DGKI: variants seen among roughly 807,000 people sequenced by gnomAD.
DGKI encodes DAG kinase iota.
A neutral mutation model predicts 147.5 loss-of-function variants in DGKI; 55 were observed. The ratio of observed to expected loss-of-function variants is 0.37; its 90% CI spans 0.30 to 0.47. DGKI has a LOEUF of 0.47. Among genes scored for constraint, DGKI ranks in the 20% least tolerant of loss-of-function variants. The probability of loss-of-function intolerance (pLI) is 1.00; values close to 1 mark genes in which losing one functional copy is unlikely to be tolerated. For missense variants in DGKI, 1,007 were observed against 1,323.8 expected, an observed-to-expected ratio of 0.76 and a Z score of 3.71; for synonymous variants, 469 against 477.1, an observed-to-expected ratio of 0.98 and a Z score of 0.22.
intron 1 of DGKI, among the ~76,000 whole-genome samples, chr7:137,692,661 A>G (rs1458488231): frequency 6.6e-6 from 1 of 152,226 alleles, no homozygotes; most frequent in Non-Finnish European, 1.5e-5. Context: ...GATGCAAGCC[A>G]CGTGTGTCTA....
At chr7:137,519,205 T>G (rs1267126855) in intron 21 of DGKI, among the ~76,000 whole-genome samples, 1 of 152,066 alleles carries the variant, frequency 6.6e-6, no homozygotes, top group East Asian at 1.9e-4. Context: ...TCTGAAAGAG[T>G]ATAGTCCTCT....
intron 7 of DGKI, among the ~76,000 whole-genome samples, chr7:137,623,160 T>C (rs1820809046): frequency 6.6e-6 from 1 of 152,218 alleles, no homozygotes; most frequent in Non-Finnish European, 1.5e-5. Flanking sequence ...ACAGAGGTAC[T>C]GGAGGGAAAA....
At chr7:137,531,224 A>G (rs987341226) in intron 20 of DGKI, among the ~76,000 whole-genome samples, 1 of 152,200 alleles carries the variant, frequency 6.6e-6, no homozygotes, top group Admixed American at 6.5e-5. Flanking sequence ...AACTGTTGAG[A>G]TGAAGAAAAA....
At chr7:137,584,050 G>C (rs1447662909) in intron 14 of DGKI, among the ~76,000 whole-genome samples, 1 of 152,078 alleles carries the variant, frequency 6.6e-6, no homozygotes, top group Non-Finnish European at 1.5e-5. Context: ...TCAGGATCAC[G>C]ATGCTAATAA....
chr7:137,572,952 C>G, intron 17 of DGKI, 114 bp from the exon 18 acceptor site: 1 of 704,350 alleles, frequency 1.4e-6, no homozygotes. Context: ...CTTGCCCTAT[C>G]TCTGCTTAAG....
intron 1 of DGKI, among the ~76,000 whole-genome samples, chr7:137,819,602 G>A (rs1018886772): frequency 4.6e-5 from 7 of 151,976 alleles, no homozygotes; most frequent in African/African-American, 1.2e-4. Context: ...GAGCCACCGC[G>A]CCCAGCCAGA....
Position 137,846,573 on chromosome 7 carries a change from G to C in DGKI, c.290C>G (p.Ala97Gly). 1.5e-6 allele frequency: 2 copies of C among 1,367,386 alleles called. No homozygotes were observed. The highest frequency in any genetic ancestry group is 1.5e-5 in the South Asian group (1 of 68,948). 84.7% of individuals were successfully genotyped at this position (1,367,386 alleles called of 1,614,324 possible). A position where few individuals can be genotyped will look rare whatever the true frequency, so the allele number is the denominator to read the frequency against. The stretch of plus-strand genomic sequence containing the variant: ...CTCGTCCAGGGCAGCGGCCCCCGCC[G>C]CCGCGGCTGACCCTGCGCCCCGCGG... ...ADPRGAGSAAAAGAAALDEPA... is the reference protein window; with the variant it reads ...ADPRGAGSAAGAGAAALDEPA... Residue 97 changes from alanine to glycine, a missense_variant, in exon 1 of 33, where the codon GCG becomes GGG. This residue lies in a region of DGKI where 259 missense variants were observed against 362.5 expected (regional missense o/e 0.71). Coordinates refer to ENST00000614521, the MANE Select transcript of DGKI (RefSeq NM_001321708.2). This position sits in a 1 kb window ranked among gnomAD's most constrained non-coding sequence, Gnocchi z 4.0.
intron 28 of DGKI, among the ~76,000 whole-genome samples, chr7:137,422,360 T>A (rs926822250): frequency 1.1e-4 from 17 of 152,186 alleles, no homozygotes; most frequent in Non-Finnish European, 7.4e-5. Context: ...TATCAATTCT[T>A]TCTCTAGCAA....
intron 6 of DGKI, among the ~76,000 whole-genome samples, chr7:137,645,031 T>C (rs1187968697): frequency 6.6e-6 from 1 of 152,228 alleles, no homozygotes; most frequent in Non-Finnish European, 1.5e-5. Flanking sequence ...AACTGGATAA[T>C]GTCCCAAGGG....
chr7:137,599,948 T>C (rs747342883), intron 10 of DGKI, 43 bp from the exon 11 acceptor site: 1 of 1,504,502 alleles, frequency 6.6e-7, no homozygotes, highest in South Asian at 1.1e-5. Flanking sequence ...TAGGAAGAAA[T>C]TTCCCAAGAA....
chr7:137,834,237 C>T (rs1167758369), intron 1 of DGKI, among the ~76,000 whole-genome samples: 1 of 152,170 alleles, frequency 6.6e-6, no homozygotes, highest in Non-Finnish European at 1.5e-5. Context: ...GGGTTTTATG[C>T]CAGGCCGGGA....
intron 1 of DGKI, among the ~76,000 whole-genome samples, chr7:137,724,576 T>C (rs898817760): frequency 2.6e-5 from 4 of 152,096 alleles, no homozygotes; most frequent in Non-Finnish European, 5.9e-5. Context: ...AATGAACTAA[T>C]GATGAATTGT....
chr7:137,397,236 C>A lies in DGKI; in HGVS notation c.2957+141G>T, dbSNP rs527502740. On this transcript the variant is annotated intron_variant, in intron 31 of 32. Transcript: ENST00000614521. ...TTTTTTATTTAGGCTATTAGCCCTGCACATTTATGAACAAAGTTGAAAGTG... is the reference window on the plus strand; with the variant it reads ...TTTTTTATTTAGGCTATTAGCCCTGAACATTTATGAACAAAGTTGAAAGTG... 66 of 727,862 alleles carry A rather than the reference C, an allele frequency of 9.1e-5. No homozygotes were observed. In the East Asian group the frequency reaches 1.8e-3, roughly 20 times the overall value. The allele number at this position is 727,862 out of a possible 1,614,324, so 45.1% of individuals were successfully genotyped here. A position where few individuals can be genotyped will look rare whatever the true frequency, so the allele number is the denominator to read the frequency against.
chr7:137,691,815 T>TG, intron 1 of DGKI, among the ~76,000 whole-genome samples: 2 of 142,088 alleles, frequency 1.4e-5, no homozygotes, highest in African/African-American at 5.6e-5. Context: ...TTTTTTTTTT[T>TG]TTTTTTAAGC....
intron 1 of DGKI, among the ~76,000 whole-genome samples, chr7:137,843,617 G>T (rs576820964): frequency 6.6e-6 from 1 of 151,982 alleles, no homozygotes; most frequent in Non-Finnish European, 1.5e-5. Flanking sequence ...CTCCAGAAAT[G>T]GTTATTTAAA....
chr7:137,767,396 A>T (rs946549754), intron 1 of DGKI, among the ~76,000 whole-genome samples: 1 of 152,116 alleles, frequency 6.6e-6, no homozygotes, highest in Non-Finnish European at 1.5e-5. Context: ...ATGAAGAGAT[A>T]AAGGTAAGAA....
intron 23 of DGKI, among the ~76,000 whole-genome samples, chr7:137,470,915 A>G (rs956746682): frequency 6.6e-6 from 1 of 152,146 alleles, no homozygotes; most frequent in African/African-American, 2.4e-5. Context: ...ACTTACTACA[A>G]TTCTCAGTTC....
intron 1 of DGKI, among the ~76,000 whole-genome samples, chr7:137,786,763 G>C (rs1796683817): frequency 6.6e-6 from 1 of 151,912 alleles, no homozygotes; most frequent in Non-Finnish European, 1.5e-5. Flanking sequence ...CGTGGTACTG[G>C]TATAAAAATC....
intron 24 of DGKI, among the ~76,000 whole-genome samples, chr7:137,468,279 C>A (rs182867025): frequency 4.2e-4 from 64 of 152,056 alleles, no homozygotes; most frequent in African/African-American, 1.4e-3. Flanking sequence ...TAAACCATGA[C>A]TGCAATTACC....
Sources: gnomAD v4.1 joint callset for allele counts (sites outside exome capture counted in the v4.1 genomes callset) on GRCh38, gnomAD v4.1.1 for gene constraint, gnomAD v4.1.1 regional missense constraint, Gnocchi (gnomAD v3.1) non-coding constraint, MANE v1.5 for transcripts, NCBI Gene and HGNC (gene_info 2026-07-23, HGNC 2026-07-21) for gene names.